Variants in PIGK observed in about 807,000 individuals in gnomAD.
The protein encoded by PIGK is GPI-anchor transamidase.
A neutral mutation model predicts 50.6 loss-of-function variants in PIGK; 42 were observed. The observed-to-expected ratio is 0.83, with a 90% CI of 0.65 to 1.07. The LOEUF is 1.07. PIGK is among the 50% of genes least tolerant of loss of function. The pLI, the probability that PIGK is intolerant of heterozygous loss-of-function variation, is 0.00. For missense variants in PIGK, 448 were observed against 488.7 expected, an observed-to-expected ratio of 0.92 and a Z score of 0.78; for synonymous variants, 151 against 156.0, an observed-to-expected ratio of 0.97 and a Z score of 0.24.
At chr1:77,207,027 T>C (rs953878803) in intron 2 of PIGK, among the ~76,000 whole-genome samples, 1 of 151,940 alleles carries the variant, frequency 6.6e-6, no homozygotes, top group African/African-American at 2.4e-5. Flanking sequence ...ATTACCCAGG[T>C]GTGGTGGCGT....
intron 9 of PIGK, among the ~76,000 whole-genome samples, chr1:77,132,838 C>T (rs1654409105): frequency 1.3e-5 from 2 of 151,948 alleles, no homozygotes; most frequent in African/African-American, 4.8e-5. Flanking sequence ...AGTTTTCTTC[C>T]TTTCACCACT....
chr1:77,129,520 T>C (rs761002707), intron 9 of PIGK: 30 of 1,384,110 alleles, frequency 2.2e-5, no homozygotes, highest in Non-Finnish European at 3.0e-5. Flanking sequence ...CATGGTCGGA[T>C]TAACCCATAC....
At chr1:77,125,196 T>C (rs1654203955) in intron 9 of PIGK, among the ~76,000 whole-genome samples, 1 of 152,228 alleles carries the variant, frequency 6.6e-6, no homozygotes, top group Non-Finnish European at 1.5e-5. Context: ...CAACTTGTTT[T>C]GAATAACTTT....
intron 8 of PIGK, among the ~76,000 whole-genome samples, chr1:77,158,115 C>G (rs1655051816): frequency 6.6e-6 from 1 of 152,194 alleles, no homozygotes; most frequent in African/African-American, 2.4e-5. Context: ...CTCCCAGGTT[C>G]AAGTGATGCT....
rs1272849467 is a variant in PIGK at position 77,178,600 on chromosome 1, CTCTT to C, written c.240-9209_240-9206del. 1.2e-4 allele frequency among the ~76,000 whole-genome samples: 19 copies of C among 152,114 alleles called. No individual in the cohort carries two copies. In the South Asian group the frequency reaches 2.5e-3, roughly 20 times the overall value. On this transcript the variant is annotated intron_variant, in intron 3 of 10. Coordinates refer to ENST00000370812, the MANE Select transcript of PIGK (RefSeq NM_005482.3). ...GAGACTGCTTAGTTAAGTGAGTAGA[CTCTT>C]TATCTAGCTCATTCTTTAATCTATT...
At chr1:77,124,832 C>G (rs895802584) in intron 9 of PIGK, among the ~76,000 whole-genome samples, 7 of 152,004 alleles carry the variant, frequency 4.6e-5, no homozygotes, top group Non-Finnish European at 8.8e-5. Flanking sequence ...AAGCGAACAA[C>G]TCAATATTTT....
Position 77,139,220 on chromosome 1 carries a change from G to A in PIGK, c.986+15229C>T, listed in dbSNP as rs183060870. On this transcript the variant is annotated intron_variant, in intron 9 of 10. Transcript: ENST00000370812. ...ATTCATTCGGCACTTGAGTTTTAGC[G>A]TCTATGTGTTTTTTCCCAAGAGATT... Among the ~76,000 whole-genome samples, 186 of 152,062 alleles carry A rather than the reference G, an allele frequency of 1.2e-3. 1 individual carries two copies. The highest frequency in any genetic ancestry group is 4.2e-3 in the African/African-American group (173 of 41,454).
chr1:77,101,434 A>G (rs542670518), intron 10 of PIGK, among the ~76,000 whole-genome samples: 18 of 152,278 alleles, frequency 1.2e-4, no homozygotes, highest in African/African-American at 4.1e-4. Context: ...CAGCTAATAT[A>G]TGGGTGTGAT....
intron 9 of PIGK, among the ~76,000 whole-genome samples, chr1:77,126,605 T>C (rs949727454): frequency 6.6e-6 from 1 of 152,202 alleles, no homozygotes; most frequent in Admixed American, 6.5e-5. Context: ...CACTCTGTCC[T>C]TTGCAAGGTG....
At chr1:77,108,656 AGTTCT>A (rs1171476378) in intron 10 of PIGK, among the ~76,000 whole-genome samples, 1 of 152,162 alleles carries the variant, frequency 6.6e-6, no homozygotes, top group East Asian at 1.9e-4. Flanking sequence ...AGGCTGGGGA[AGTTCT>A]CCTGGAAAAT....
chr1:77,171,322 A>G (rs560049819), intron 3 of PIGK, among the ~76,000 whole-genome samples: 486 of 151,000 alleles, frequency 3.2e-3, no homozygotes, highest in Non-Finnish European at 5.4e-3. Flanking sequence ...CTGTAGTCCC[A>G]GCTACTCCAG....
chr1:77,107,830 A>T (rs778689389), intron 10 of PIGK, among the ~76,000 whole-genome samples: 11 of 152,056 alleles, frequency 7.2e-5, no homozygotes, highest in Non-Finnish European at 1.0e-4. Flanking sequence ...ATTGATCCCT[A>T]TACCATTATG....
intron 1 of PIGK, among the ~76,000 whole-genome samples, chr1:77,216,972 A>G (rs1436624385): frequency 6.6e-6 from 1 of 152,232 alleles, no homozygotes; most frequent in Non-Finnish European, 1.5e-5. Context: ...TGCAGCACCT[A>G]TTATGTGCCA....
At chr1:77,157,573 T>C (rs1327762939) in intron 8 of PIGK, among the ~76,000 whole-genome samples, 3 of 152,208 alleles carry the variant, frequency 2.0e-5, no homozygotes, top group Admixed American at 2.0e-4. Context: ...ATTGAAGTAA[T>C]TGGAACTTAG....
In PIGK at chr1:77,163,863, TTG is replaced by T; in HGVS notation, c.565_566del (p.Gln189AsnfsTer9). ...CTAATTACCGTCTTTTCTGCCACAT[TTG>T]TTCAAAAGCATCCGCGAGTTCTATG... ...TNIELADAFEQMWQKRRYNEL... is the reference protein window; with the variant it reads ...TNIELADAFEXMWQKRRYNEL... On this transcript the variant is annotated frameshift_variant, in exon 6 of 11. Transcript: ENST00000370812. LOFTEE classifies it high-confidence loss of function. 6.2e-7 allele frequency: 1 copy of T among 1,604,684 alleles called. No individual in the cohort carries two copies. Among genetic ancestry groups the T allele is most frequent in the Non-Finnish European group, 8.5e-7 (1 of 1,173,494 alleles).
chr1:77,145,043 T>C (rs1222964651), intron 9 of PIGK, among the ~76,000 whole-genome samples: 1 of 151,960 alleles, frequency 6.6e-6, no homozygotes, highest in Non-Finnish European at 1.5e-5. Flanking sequence ...ATCATTTTGG[T>C]GAATTTTTGG....
At chr1:77,208,910 T>A (rs975618585) in intron 2 of PIGK, among the ~76,000 whole-genome samples, 1 of 152,182 alleles carries the variant, frequency 6.6e-6, no homozygotes, top group Non-Finnish European at 1.5e-5. Flanking sequence ...TTACAAAGCC[T>A]CAAACTTCAT....
rs1028826981 is a variant in PIGK at position 77,091,768 on chromosome 1, T to C, written c.*606A>G. On this transcript the variant is annotated 3_prime_UTR_variant, in exon 11 of 11. Transcript: ENST00000370812. ...GACCAGCAGTAAAATATTAATACAT[T>C]AAAGAATAAACCAAAGGAAAACATT... is the stretch of plus-strand genomic sequence containing the variant. 6.6e-6 allele frequency: 1 copy of C among 152,154 alleles called. No individual in the cohort carries two copies. The highest frequency in any genetic ancestry group is 6.6e-5 in the Admixed American group (1 of 15,264). The allele number at this position is 152,154 out of a possible 1,614,324, so 9.4% of individuals were successfully genotyped here.
At chr1:77,115,807 T>TA (rs1301438323) in intron 10 of PIGK, among the ~76,000 whole-genome samples, 1 of 152,120 alleles carries the variant, frequency 6.6e-6, no homozygotes, top group African/African-American at 2.4e-5. Context: ...CAGCTTATCT[T>TA]AAAAAAAGAG....
Sources: allele counts gnomAD v4.1 joint callset (sites outside exome capture counted in the v4.1 genomes callset), GRCh38; gene constraint gnomAD v4.1.1; transcripts MANE v1.5; gene names NCBI Gene and HGNC (gene_info 2026-07-23, HGNC 2026-07-21).